The following TEP1 variants were observed in gnomAD, a reference collection of about 807,000 sequenced individuals.
TEP1 encodes telomerase associated protein 1.
Under a neutral mutation model 306.3 loss-of-function variants are expected in TEP1, and 241 were observed. The ratio of observed to expected loss-of-function variants is 0.79; its 90% CI spans 0.71 to 0.88. The LOEUF is 0.88. Among genes scored for constraint, TEP1 ranks in the 40% least tolerant of loss-of-function variants. TEP1 has a pLI of 0.00. For synonymous variants in TEP1, 1,289 were observed against 1,305.5 expected (o/e 0.99, Z 0.27); for missense variants, 3,051 against 3,276.1 (o/e 0.93, Z 1.68).
rs777189689 is a variant in TEP1 at position 20,388,076 on chromosome 14, A to G, written c.2526-13T>C. ...CTCTGCAATGAACCTGACATAAATA[A>G]CAAGATAAATGAGAGTAGAATACCA... On this transcript the variant is annotated splice_polypyrimidine_tract_variant and intron_variant, in intron 17 of 54. Coordinates refer to ENST00000262715, the MANE Select transcript of TEP1 (RefSeq NM_007110.5). 3.7e-6 allele frequency: 6 copies of G among 1,613,850 alleles called. No homozygotes were observed. The highest frequency in any genetic ancestry group is 1.7e-5 in the Admixed American group (1 of 59,952).
At position 20,384,644 on chromosome 14, in the gene TEP1, T is replaced by C. The variant is rs752632251; in HGVS notation, c.3177A>G (p.Glu1059=). ...TCTGTCTGCTTAGGTAGCTCTTCAG[T>C]TCTGAGATCCGACGTGCGGCCTCTT... ...ESEEAARRIS[E]LKSYLSRQKG... Residue 1059 remains glutamate (E), a synonymous_variant, in exon 22 of 55, where the codon GAA becomes GAG. Transcript: ENST00000262715. 2 of 1,614,056 alleles carry C rather than the reference T, an allele frequency of 1.2e-6. No homozygotes were observed. The highest frequency in any genetic ancestry group is 1.7e-6 in the Non-Finnish European group (2 of 1,180,032).
chr14:20,380,451 T>A lies in TEP1; in HGVS notation c.4787A>T (p.Gln1596Leu). 1 of 1,613,700 alleles carries A rather than the reference T, an allele frequency of 6.2e-7. No homozygotes were observed. Among genetic ancestry groups the A allele is most frequent in the Non-Finnish European group, 8.5e-7 (1 of 1,179,962 alleles). ...TGCAACGTCAGCCTCGGGGAGCTTT[T>A]GTTCCTCTTTGGGGACTGAAGAAGC... ...LYASSVPKEEQKLPEADVAVF... is the reference protein window; with the variant it reads ...LYASSVPKEELKLPEADVAVF... The change falls in exon 34 of 55, where the codon CAA becomes CTA. Residue 1596 changes from glutamine (Q) to leucine (L), a missense_variant. Gln to Leu is a moderately radical substitution (Grantham distance 113). Coordinates refer to ENST00000262715, the MANE Select transcript of TEP1 (RefSeq NM_007110.5).
At position 20,383,702 on chromosome 14, in the gene TEP1, C is replaced by T. The variant is rs757100629; in HGVS notation, c.3710+41G>A. The T allele has an allele frequency of 4.0e-5, 65 of 1,607,588 alleles. 1 individual carries two copies. The East Asian group carries it at 8.5e-4, about 21-fold the overall frequency. On this transcript the variant is annotated intron_variant, in intron 25 of 54. Transcript: ENST00000262715. ...AGAGAAAAAAAAAGCAGGGGTGGTA[C>T]GTGGGCATCAACAAGGCTGGGCTCA... is the stretch of plus-strand genomic sequence containing the variant.
chr14:20,387,992 G>A lies in TEP1; in HGVS notation c.2597C>T (p.Pro866Leu), dbSNP rs752629183. ...GACCCCTGTCTTTCCTGGGGGTGGT[G>A]GAATCTTGAATATTTTGTCCATTTG... Reference protein sequence around the residue: ...VGQMDKIFKIPPPPGKTGVQS... With the variant: ...VGQMDKIFKILPPPGKTGVQS... The change falls in exon 18 of 55, where the codon CCA (proline) becomes CTA (leucine). Residue 866 changes from proline to leucine, a missense_variant. Pro to Leu is a moderately conservative substitution (Grantham distance 98). Transcript: ENST00000262715. 17 of 1,613,986 alleles carry A rather than the reference G, an allele frequency of 1.1e-5. No homozygotes were observed. The highest frequency in any genetic ancestry group is 6.7e-5 in the African/African-American group (5 of 74,916).
rs1397998623 is a variant in TEP1 at position 20,391,732 on chromosome 14, T to C, written c.1964A>G (p.Tyr655Cys). 7 of 1,614,202 alleles carry C rather than the reference T, an allele frequency of 4.3e-6. No individual in the cohort carries two copies. The highest frequency in any genetic ancestry group is 5.9e-6 in the Non-Finnish European group (7 of 1,180,028). ...WKYDGEMLNR[Y>C]RQALETAVNL... ...CACAGCTGTCTCTAGGGCCTGTCGG[T>C]ACCTGTTCAGCATCTCACCATCATA... The change falls in exon 13 of 55, where the codon TAC becomes TGC. Residue 655 changes from tyrosine to cysteine, a missense_variant. Coordinates refer to ENST00000262715, the MANE Select transcript of TEP1 (RefSeq NM_007110.5).
At position 20,408,393 on chromosome 14, in the gene TEP1, G is replaced by C; in HGVS notation, c.47C>G (p.Ser16Cys). The stretch of plus-strand genomic sequence containing the variant: ...CATAGCCAGGCACCGGTTCTCCAAG[G>C]AGAGGATGTCTGGATGGGCAGACAC... ...GHVSAHPDIL[S>C]LENRCLAMLP... The change falls in exon 2 of 55, where the codon TCC becomes TGC. Residue 16 changes from serine (S) to cysteine (C), a missense_variant. Ser to Cys is a moderately radical substitution (Grantham distance 112). Transcript: ENST00000262715. 6.2e-7 allele frequency: 1 copy of C among 1,614,118 alleles called. No homozygotes were observed.
rs748658942 is a variant in TEP1 at position 20,371,529 on chromosome 14, A to G, written c.7180T>C (p.Leu2394=). Residue 2394 remains leucine (L), a synonymous_variant, in exon 50 of 55, where the codon TTA becomes CTA. Coordinates refer to ENST00000262715, the MANE Select transcript of TEP1 (RefSeq NM_007110.5). ...GCATCCCCTGGCTTCATGCAAAGTA[A>G]CTTCAAATCTGCTTTGGCCAAGATG... is the stretch of plus-strand genomic sequence containing the variant. The part of the protein sequence containing the change: ...FLILAKADLK[L]LCMKPGDAPS... 6.2e-7 allele frequency: 1 copy of G among 1,608,956 alleles called. No individual in the cohort carries two copies. The highest frequency in any genetic ancestry group is 8.5e-7 in the Non-Finnish European group (1 of 1,178,964).
chr14:20,369,700 G>C lies in TEP1; in HGVS notation c.7397C>G (p.Ser2466Trp), dbSNP rs768609519. Residue 2466 changes from serine (S) to tryptophan (W), a missense_variant, in exon 52 of 55, where the codon TCG (serine) becomes TGG (tryptophan). Physicochemically the swap from Ser to Trp is radical, Grantham distance 177. Coordinates refer to ENST00000262715, the MANE Select transcript of TEP1 (RefSeq NM_007110.5). ...AGATTCAGGTTTGGCTTGAGTTATC[G>C]ATATTAGGGTCCTACTAGGATTCTC... ...NLENPSRTLI[S>W]ITQAKPESES... 6.2e-7 allele frequency: 1 copy of C among 1,613,886 alleles called. No homozygotes were observed. Among genetic ancestry groups the C allele is most frequent in the African/African-American group, 1.3e-5 (1 of 74,876 alleles).
chr14:20,394,474 CTTT>C (rs747749338), intron 12 of TEP1, among the ~76,000 whole-genome samples: 4 of 100,448 alleles, frequency 4.0e-5, no homozygotes, highest in Non-Finnish European at 3.8e-5. Context: ...GCCCCTTGGG[CTTT>C]TTTTTTTTTT....
chr14:20,367,713 A>C lies in TEP1; in HGVS notation c.*724T>G, dbSNP rs1884557189. On this transcript the variant is annotated 3_prime_UTR_variant, in exon 55 of 55. Transcript: ENST00000262715. The stretch of plus-strand genomic sequence containing the variant: ...AAGCTCCGCCTCCTGGGTTCACGCC[A>C]TTCTCCTGCCTCAGCCTCCCAAGTA... 6.6e-6 allele frequency: 1 copy of C among 151,190 alleles called. No homozygotes were observed. The highest frequency in any genetic ancestry group is 1.5e-5 in the Non-Finnish European group (1 of 68,096). The allele number at this position is 151,190 out of a possible 1,614,324, so 9.4% of individuals were successfully genotyped here.
Position 20,376,182 on chromosome 14 carries a change from C to T in TEP1, c.6171G>A (p.Leu2057=). ...AGCTCACAGGGCCCTCATGTCCCCG[C>T]AGCTCAGTGCCACAGGGAAAGTCTT... ...KAEDFPCGTE[L]RGHEGPVSCC... is the part of the protein sequence containing the mutation. The change falls in exon 42 of 55, where the codon CTG becomes CTA. Residue 2057 remains leucine, a synonymous_variant. Coordinates refer to ENST00000262715, the MANE Select transcript of TEP1 (RefSeq NM_007110.5). 1 of 1,614,228 alleles carries T rather than the reference C, an allele frequency of 6.2e-7. No homozygotes were observed. Among genetic ancestry groups the T allele is most frequent in the South Asian group, 1.1e-5 (1 of 91,078 alleles).
Position 20,381,565 on chromosome 14 carries a change from T to G in TEP1, c.4546A>C (p.Ile1516Leu), listed in dbSNP as rs1566452580. ...KRPGLEDTAHILIAAQLWKTC... is the reference protein window; with the variant it reads ...KRPGLEDTAHLLIAAQLWKTC... ...GGGCTGCAATCACCTGCAATGAGGA[T>G]GTGTGCCGTGTCCTCTAGCCCTGGC... Residue 1516 changes from isoleucine (I) to leucine (L), a missense_variant, in exon 31 of 55, where the codon ATC becomes CTC. Ile to Leu is a conservative substitution (Grantham distance 5, BLOSUM62 2). Around this residue, in one of 3 missense-constraint regions of TEP1, gnomAD observed 1,540 missense variants for 1,705.9 expected, o/e 0.90. Transcript: ENST00000262715. The surrounding 1 kb of genome is among the most constrained non-coding windows in gnomAD (Gnocchi z 4.0). The G allele has an allele frequency of 6.2e-7, 1 of 1,613,744 alleles. No homozygotes were observed. The highest frequency in any genetic ancestry group is 1.3e-5 in the African/African-American group (1 of 75,072).
chr14:20,380,595 A>G (rs1174007112), intron 33 of TEP1, 120 bp from the exon 34 acceptor site: 32 of 1,395,970 alleles, frequency 2.3e-5, no homozygotes, highest in Non-Finnish European at 2.8e-5. Context: ...CTCTGGCCCT[A>G]TATCAGGAAT....
intron 17 of TEP1, among the ~76,000 whole-genome samples, chr14:20,388,959 C>A (rs1304951637): frequency 1.3e-5 from 2 of 152,104 alleles, no homozygotes; most frequent in African/African-American, 2.4e-5. Flanking sequence ...ACCAGCCTGA[C>A]CAACATGGTG....
chr14:20,384,558 A>G, intron 22 of TEP1, 42 bp downstream of exon 22: 1 of 1,613,670 alleles, frequency 6.2e-7, no homozygotes, highest in South Asian at 1.1e-5. Flanking sequence ...GGCTCCTCTC[A>G]CCACATCTCT....
Position 20,387,997 on chromosome 14 carries a change from C to G in TEP1, c.2592G>C (p.Lys864Asn), listed in dbSNP as rs1322961550. 5.0e-6 allele frequency: 8 copies of G among 1,614,128 alleles called. No homozygotes were observed. Among genetic ancestry groups the G allele is most frequent in the Non-Finnish European group, 6.8e-6 (8 of 1,180,020 alleles). The change falls in exon 18 of 55, where the codon AAG becomes AAC. Residue 864 changes from lysine (K) to asparagine (N), a missense_variant. Physicochemically the swap from Lys to Asn is moderately conservative, Grantham distance 94. Around this residue, in one of 3 missense-constraint regions of TEP1, gnomAD observed 1,507 missense variants for 1,550.5 expected, o/e 0.97. Transcript: ENST00000262715. ...EHVGQMDKIF[K>N]IPPPPGKTGV... ...CTGTCTTTCCTGGGGGTGGTGGAATCTTGAATATTTTGTCCATTTGGCCCA... is the reference window on the plus strand; with the variant it reads ...CTGTCTTTCCTGGGGGTGGTGGAATGTTGAATATTTTGTCCATTTGGCCCA...
chr14:20,395,203 C>T (rs903193789), intron 12 of TEP1, among the ~76,000 whole-genome samples: 1 of 152,196 alleles, frequency 6.6e-6, no homozygotes, highest in African/African-American at 2.4e-5. Flanking sequence ...AAGGAATCTA[C>T]ATAAACCAAT....
chr14:20,378,331 A>G, intron 38 of TEP1, 49 bp downstream of exon 38: 15 of 1,611,842 alleles, frequency 9.3e-6, no homozygotes, highest in Non-Finnish European at 1.3e-5. Flanking sequence ...GCCACCCTCC[A>G]CTCCTGTCCT....
chr14:20,389,444 G>C, intron 16 of TEP1, 147 bp from the exon 17 acceptor site: 1 of 1,413,152 alleles, frequency 7.1e-7, no homozygotes, highest in Non-Finnish European at 9.9e-7. Flanking sequence ...CTCTCACAGA[G>C]GGGTACAGAG....
Sources: allele counts gnomAD v4.1 joint callset (sites outside exome capture counted in the v4.1 genomes callset), GRCh38; gene constraint gnomAD v4.1.1; regional missense constraint gnomAD v4.1.1; non-coding constraint Gnocchi (gnomAD v3.1); transcripts MANE v1.5; gene names NCBI Gene and HGNC (gene_info 2026-07-23, HGNC 2026-07-21).